Variants in SPRED1 observed in about 807,000 individuals in gnomAD.
SPRED1 encodes sprouty related EVH1 domain containing 1.
SPRED1 carries 18 observed loss-of-function variants against 52.3 expected under a neutral mutation model. That is an observed-to-expected ratio of 0.34 (90% confidence interval 0.24 to 0.51). The LOEUF is 0.51. Ranked by LOEUF, SPRED1 falls within the 20% of genes least tolerant of loss-of-function variation. The pLI, the probability that SPRED1 is intolerant of heterozygous loss-of-function variation, is 0.97. For synonymous variants in SPRED1, 155 were observed against 179.7 expected (o/e 0.86, Z 1.10); for missense variants, 485 against 551.0 (o/e 0.88, Z 1.20).
chr15:38,349,870 G>C (rs1888443369), intron 6 of SPRED1, among the ~76,000 whole-genome samples: 1 of 152,182 alleles, frequency 6.6e-6, no homozygotes. Flanking sequence ...AACTGAGTCA[G>C]ATGCTTACTT....
chr15:38,299,249 A>G, intron 1 of SPRED1, 124 bp from the exon 2 acceptor site: 3 of 1,057,832 alleles, frequency 2.8e-6, no homozygotes, highest in Admixed American at 1.7e-5. Context: ...TTTTCATGGA[A>G]GTAGTAAACA....
intron 5 of SPRED1, among the ~76,000 whole-genome samples, chr15:38,344,879 A>G (rs185537020): frequency 1.5e-4 from 23 of 152,184 alleles, no homozygotes; most frequent in African/African-American, 5.1e-4. Flanking sequence ...GCATAACTAG[A>G]TGTTTATACA....
chr15:38,291,278 C>G (rs1894917860), intron 1 of SPRED1, among the ~76,000 whole-genome samples: 1 of 152,196 alleles, frequency 6.6e-6, no homozygotes, highest in South Asian at 2.1e-4. Context: ...TCTTGGGCAT[C>G]TCTGCCCATG....
At chr15:38,349,569 A>ACTATTAAT in intron 6 of SPRED1, 46 bp downstream of exon 6, 1 of 1,038,406 alleles carries the variant, frequency 9.6e-7, no homozygotes, top group Non-Finnish European at 1.4e-6. Flanking sequence ...TAACTAATTA[A>ACTATTAAT]TAGATAGGTA....
intron 1 of SPRED1, among the ~76,000 whole-genome samples, chr15:38,255,364 A>G (rs1455612328): frequency 6.6e-6 from 1 of 152,164 alleles, no homozygotes; most frequent in East Asian, 1.9e-4. Flanking sequence ...TTTTTTCACA[A>G]ATTTATCCTG....
chr15:38,277,074 C>T (rs1159778748), intron 1 of SPRED1, among the ~76,000 whole-genome samples: 1 of 152,118 alleles, frequency 6.6e-6, no homozygotes, highest in African/African-American at 2.4e-5. Context: ...CTTATCTTTG[C>T]TTCTACATTA....
chr15:38,283,345 G>A (rs987330173), intron 1 of SPRED1, among the ~76,000 whole-genome samples: 1 of 152,140 alleles, frequency 6.6e-6, no homozygotes, highest in Non-Finnish European at 1.5e-5. Context: ...TTGACATGTG[G>A]GGATTACAAT....
chr15:38,255,018 C>G (rs912367809), intron 1 of SPRED1, among the ~76,000 whole-genome samples: 1 of 152,092 alleles, frequency 6.6e-6, no homozygotes, highest in African/African-American at 2.4e-5. Context: ...GTGAATATCT[C>G]CTTGTTTCCT....
intron 3 of SPRED1, among the ~76,000 whole-genome samples, chr15:38,323,564 G>T (rs1420877484): frequency 6.6e-6 from 1 of 151,740 alleles, no homozygotes; most frequent in Admixed American, 6.6e-5. Context: ...TTCAAATATG[G>T]TGAAGAATTG....
At chr15:38,289,464 C>G (rs1401343344) in intron 1 of SPRED1, among the ~76,000 whole-genome samples, 1 of 151,638 alleles carries the variant, frequency 6.6e-6, no homozygotes, top group African/African-American at 2.4e-5. Flanking sequence ...TGTCCTGCCC[C>G]TCCCCAAAGA....
At chr15:38,284,740 A>G (rs1315130249) in intron 1 of SPRED1, among the ~76,000 whole-genome samples, 1 of 152,010 alleles carries the variant, frequency 6.6e-6, no homozygotes, top group Admixed American at 6.6e-5. Context: ...TCTGTTTTCT[A>G]CAGATTTGAT....
intron 5 of SPRED1, among the ~76,000 whole-genome samples, chr15:38,342,125 TATTC>T (rs1053579098): frequency 5.3e-5 from 8 of 151,808 alleles, no homozygotes; most frequent in Non-Finnish European, 8.8e-5. Flanking sequence ...TCTACCATTT[TATTC>T]ATTTTTTATT....
intron 2 of SPRED1, among the ~76,000 whole-genome samples, chr15:38,319,865 A>G (rs1319053865): frequency 2.0e-5 from 3 of 152,218 alleles, no homozygotes; most frequent in East Asian, 1.9e-4. Flanking sequence ...AGGTTTAACA[A>G]TCAGCTTTCA....
chr15:38,256,486 G>A (rs1210166867), intron 1 of SPRED1, among the ~76,000 whole-genome samples: 2 of 152,122 alleles, frequency 1.3e-5, no homozygotes, highest in Admixed American at 1.3e-4. Context: ...AAAACATTTG[G>A]AGAAGTGAAG....
chr15:38,347,702 T>C lies in SPRED1; in HGVS notation c.583-1720T>C, dbSNP rs533700987. Reference sequence around the variant, plus strand: ...ATTTTCTTTGTGAAAAGATAATACATATTTTATAGGATTATTTCTTTGTAC... The same window carrying C: ...ATTTTCTTTGTGAAAAGATAATACACATTTTATAGGATTATTTCTTTGTAC... On this transcript the variant is annotated intron_variant, in intron 5 of 6. Transcript: ENST00000299084. Among the ~76,000 whole-genome samples the C allele has an allele frequency of 2.3e-3, 346 of 152,134 alleles. 1 individual carries two copies. Among genetic ancestry groups the C allele is most frequent in the African/African-American group, 7.8e-3 (326 of 41,564 alleles).
At chr15:38,327,729 G>A (rs944335734) in intron 4 of SPRED1, among the ~76,000 whole-genome samples, 3 of 152,198 alleles carry the variant, frequency 2.0e-5, no homozygotes, top group Non-Finnish European at 4.4e-5. Context: ...TGGGGACTAT[G>A]AGCCAGAATC....
intron 1 of SPRED1, among the ~76,000 whole-genome samples, chr15:38,293,871 A>C (rs1407805404): frequency 6.6e-6 from 1 of 152,154 alleles, no homozygotes; most frequent in East Asian, 1.9e-4. Context: ...CCTTTTATCT[A>C]CCTGATATAC....
At chr15:38,346,925 T>A (rs1384376720) in intron 5 of SPRED1, among the ~76,000 whole-genome samples, 1 of 152,178 alleles carries the variant, frequency 6.6e-6, no homozygotes, top group Admixed American at 6.5e-5. Context: ...CATGCTTTCA[T>A]ATGGCCTTGT....
Position 38,355,988 on chromosome 15 carries a change from G to A in SPRED1, c.*4324G>A, listed in dbSNP as rs943207473. 1.3e-5 allele frequency: 2 copies of A among 152,154 alleles called. No individual in the cohort carries two copies. The highest frequency in any genetic ancestry group is 2.9e-5 in the Non-Finnish European group (2 of 68,006). 9.4% of individuals were successfully genotyped at this position (152,154 alleles called of 1,614,324 possible). ...GCCTAGCAGCCAGGTGGTTATAAAA[G>A]ATTCATATGCTTTGGTACACTGATA... On this transcript the variant is annotated 3_prime_UTR_variant, in exon 7 of 7. Coordinates refer to ENST00000299084, the MANE Select transcript of SPRED1 (RefSeq NM_152594.3).
Sources: allele counts gnomAD v4.1 joint callset (sites outside exome capture counted in the v4.1 genomes callset), GRCh38; gene constraint gnomAD v4.1.1; transcripts MANE v1.5; gene names NCBI Gene and HGNC (gene_info 2026-07-23, HGNC 2026-07-21).